THSD7B: variants seen among roughly 807,000 people sequenced by gnomAD.
THSD7B encodes the protein thrombospondin type-1 domain-containing protein 7B.
THSD7B carries 138 observed loss-of-function variants against 213.6 expected under a neutral mutation model. The ratio of observed to expected loss-of-function variants is 0.65; its 90% confidence interval spans 0.56 to 0.74. The LOEUF (loss-of-function observed/expected upper bound fraction) is 0.74, where lower values mean the gene tolerates loss of function less well. Ranked by LOEUF, THSD7B falls within the 30% of genes least tolerant of loss-of-function variation. THSD7B has a pLI of 0.00. For missense variants in THSD7B, 1,931 were observed against 1,991.5 expected (o/e 0.97, Z 0.58); for synonymous variants, 742 against 687.0 (o/e 1.08, Z -1.25).
chr2:137,540,543 G>C (rs1204838949), intron 15 of THSD7B, among the ~76,000 whole-genome samples: 5 of 151,634 alleles, frequency 3.3e-5, no homozygotes, highest in African/African-American at 1.2e-4. Context: ...GGGCTGAACA[G>C]GATTGGAACT....
At chr2:136,896,143 T>C (rs1683956407) in intron 2 of THSD7B, among the ~76,000 whole-genome samples, 1 of 152,216 alleles carries the variant, frequency 6.6e-6, no homozygotes, top group African/African-American at 2.4e-5. Context: ...CATGCTGAAC[T>C]TTTTAAGAAA....
chr2:137,602,968 A>AGAGTC (rs1682104103), intron 17 of THSD7B, among the ~76,000 whole-genome samples: 1 of 152,090 alleles, frequency 6.6e-6, no homozygotes, highest in African/African-American at 2.4e-5. Flanking sequence ...ATCACATCCC[A>AGAGTC]GAGTCTGACT....
chr2:137,457,072 G>GT (rs1393494328), intron 15 of THSD7B, among the ~76,000 whole-genome samples: 1 of 151,922 alleles, frequency 6.6e-6, no homozygotes, highest in Admixed American at 6.6e-5. Context: ...AAGAAAAATT[G>GT]TTTTTTTCTC....
intron 20 of THSD7B, among the ~76,000 whole-genome samples, chr2:137,634,994 AATCC>A (rs1010087017): frequency 6.6e-6 from 1 of 152,064 alleles, no homozygotes; most frequent in Non-Finnish European, 1.5e-5. Context: ...CTTGCCATTC[AATCC>A]TTTTTGTTTC....
At chr2:137,182,482 T>C (rs1400323788) in intron 7 of THSD7B, among the ~76,000 whole-genome samples, 1 of 152,022 alleles carries the variant, frequency 6.6e-6, no homozygotes, top group Non-Finnish European at 1.5e-5. Flanking sequence ...TGAAGCTGCC[T>C]ATAGTGTATG....
chr2:137,473,993 T>G (rs1006542861), intron 15 of THSD7B, among the ~76,000 whole-genome samples: 2 of 152,134 alleles, frequency 1.3e-5, no homozygotes, highest in Non-Finnish European at 2.9e-5. Context: ...CATAATAAAT[T>G]TATTAGAGAA....
chr2:136,785,883 A>G (rs1681835427), intron 1 of THSD7B, among the ~76,000 whole-genome samples: 2 of 152,226 alleles, frequency 1.3e-5, no homozygotes, highest in African/African-American at 4.8e-5. Context: ...TATTATGAAG[A>G]TTAAATGTAG....
chr2:137,342,165 T>C (rs939173208), intron 12 of THSD7B, among the ~76,000 whole-genome samples: 23 of 151,608 alleles, frequency 1.5e-4, no homozygotes, highest in African/African-American at 5.6e-4. Context: ...TTGTATATTC[T>C]TGAATGTCTT....
intron 1 of THSD7B, among the ~76,000 whole-genome samples, chr2:136,783,646 C>T (rs1043370459): frequency 6.6e-6 from 1 of 152,094 alleles, no homozygotes; most frequent in Non-Finnish European, 1.5e-5. Context: ...TTCTCCTGGC[C>T]TCCCACCCGC....
intron 2 of THSD7B, among the ~76,000 whole-genome samples, chr2:137,014,019 T>A (rs548249197): frequency 6.6e-6 from 1 of 152,342 alleles, no homozygotes; most frequent in South Asian, 2.1e-4. Context: ...TTCTAGTTTC[T>A]GCTTCCATTC....
chr2:137,373,215 T>A (rs918834430), intron 12 of THSD7B, among the ~76,000 whole-genome samples: 10 of 152,196 alleles, frequency 6.6e-5, no homozygotes, highest in African/African-American at 2.4e-4. Flanking sequence ...ATATACCCAG[T>A]AATGGGACGG....
At chr2:136,908,157 G>T (rs1288751704) in intron 2 of THSD7B, among the ~76,000 whole-genome samples, 2 of 152,058 alleles carry the variant, frequency 1.3e-5, no homozygotes, top group Admixed American at 6.6e-5. Context: ...TTGCTTCCAG[G>T]AGCTCATTTT....
At chr2:137,480,597 ATCTT>A (rs1472346157) in intron 15 of THSD7B, among the ~76,000 whole-genome samples, 1 of 152,216 alleles carries the variant, frequency 6.6e-6, no homozygotes, top group Non-Finnish European at 1.5e-5. Context: ...TTGAAGTTCT[ATCTT>A]TATTGAGAAA....
chr2:137,326,530 G>A (rs2104886724), intron 12 of THSD7B, among the ~76,000 whole-genome samples: 1 of 152,282 alleles, frequency 6.6e-6, no homozygotes, highest in East Asian at 1.9e-4. Flanking sequence ...ATTCCTAAAA[G>A]TGGTAGGCTG....
At chr2:137,575,213 T>G (rs1681433621) in intron 17 of THSD7B, among the ~76,000 whole-genome samples, 1 of 152,026 alleles carries the variant, frequency 6.6e-6, no homozygotes, top group Non-Finnish European at 1.5e-5. Context: ...AGATATAATA[T>G]GTATAAAATA....
intron 12 of THSD7B, among the ~76,000 whole-genome samples, chr2:137,286,763 G>A (rs767365670): frequency 6.6e-6 from 1 of 152,060 alleles, no homozygotes; most frequent in Non-Finnish European, 1.5e-5. Context: ...TATTTACTTC[G>A]AGGTTTGGAC....
intron 12 of THSD7B, among the ~76,000 whole-genome samples, chr2:137,381,758 T>C (rs1169120757): frequency 6.6e-6 from 1 of 152,188 alleles, no homozygotes; most frequent in Non-Finnish European, 1.5e-5. Context: ...CAGTTGTCTT[T>C]GGAACACCAA....
chr2:136,825,718 A>ATTTTTTTTTTTTTTGGTTTTTTT (rs759978910), intron 1 of THSD7B, among the ~76,000 whole-genome samples: 1 of 116,896 alleles, frequency 8.6e-6, no homozygotes, highest in Admixed American at 9.8e-5. Context: ...TGCCTGGCTA[A>ATTTTTTTTTTTTTTGGTTTTTTT]TTTTTTTTTT....
chr2:137,405,198 C>CAAA (rs34776165), intron 12 of THSD7B, among the ~76,000 whole-genome samples: 22,736 of 139,974 alleles, frequency 0.16, 2,152 homozygotes, highest in South Asian at 0.3. Context: ...TCTAAACAAG[C>CAAA]AAAAAAAAAA....
Sources: allele counts gnomAD v4.1 joint callset (sites outside exome capture counted in the v4.1 genomes callset), GRCh38; gene constraint gnomAD v4.1.1; transcripts MANE v1.5; gene names NCBI Gene and HGNC (gene_info 2026-07-23, HGNC 2026-07-21).